SYNE1: variants seen among roughly 807,000 people sequenced by gnomAD.
SYNE1 encodes spectrin repeat containing nuclear envelope protein 1, also known as nesprin-1.
A neutral mutation model predicts 1,111.0 loss-of-function variants in SYNE1; 616 were observed. The ratio of observed to expected loss-of-function variants is 0.55; its 90% CI spans 0.52 to 0.59. SYNE1 has a LOEUF of 0.59. Ranked by LOEUF, SYNE1 falls within the 20% of genes least tolerant of loss-of-function variation. SYNE1 has a pLI of 0.00. For synonymous variants in SYNE1, 3,855 were observed against 3,825.8 expected, an observed-to-expected ratio of 1.01 and a Z score of -0.28; for missense variants, 10,006 against 10,417.0, an observed-to-expected ratio of 0.96 and a Z score of 1.72.
In SYNE1 at chr6:152,419,582, A is replaced by G. The variant is rs2098221021; in HGVS notation, c.5408T>C (p.Leu1803Pro). The change falls in exon 40 of 146, where the codon CTT becomes CCT. Residue 1803 changes from leucine (L) to proline (P), a missense_variant. Physicochemically the swap from Leu to Pro is moderately conservative, Grantham distance 98. Coordinates refer to ENST00000367255, the MANE Select transcript of SYNE1 (RefSeq NM_182961.4). ...AAACCACTTTACCTTATGCCGAGTA[A>G]GGGCTACTTGATGGTCCATTATGCT... ...EISIMDHQVA[L>P]TRHKDHAAEV... 2 of 1,613,682 alleles carry G rather than the reference A, an allele frequency of 1.2e-6. No homozygotes were observed. The highest frequency in any genetic ancestry group is 2.7e-5 in the African/African-American group (2 of 74,896).
At chr6:152,185,992 C>T (rs950464584) in intron 128 of SYNE1, among the ~76,000 whole-genome samples, 5 of 152,134 alleles carry the variant, frequency 3.3e-5, no homozygotes, top group East Asian at 1.9e-4. Flanking sequence ...GAAATAGAAT[C>T]GATGCCATAA....
At chr6:152,485,740 G>A (rs1041889147) in intron 12 of SYNE1, among the ~76,000 whole-genome samples, 1 of 152,070 alleles carries the variant, frequency 6.6e-6, no homozygotes, top group Non-Finnish European at 1.5e-5. Flanking sequence ...TATGTTACAG[G>A]AGAATGGCCC....
chr6:152,575,820 A>G (rs1003487987), intron 3 of SYNE1, among the ~76,000 whole-genome samples: 3 of 152,252 alleles, frequency 2.0e-5, no homozygotes, highest in African/African-American at 7.2e-5. Flanking sequence ...CACATAGCAC[A>G]GTGCCTGGAA....
At chr6:152,170,534 C>T (rs1050348009) in intron 130 of SYNE1, among the ~76,000 whole-genome samples, 15 of 152,316 alleles carry the variant, frequency 9.8e-5, no homozygotes, top group Non-Finnish European at 1.6e-4. Context: ...CTGTGCTCAT[C>T]GCATCAATGC....
chr6:152,496,566 A>T (rs2099000493), intron 11 of SYNE1, among the ~76,000 whole-genome samples: 1 of 152,094 alleles, frequency 6.6e-6, no homozygotes, highest in Non-Finnish European at 1.5e-5. Context: ...GCTCCTTCTA[A>T]CAACCCCACG....
chr6:152,432,730 G>A (rs1198461016), intron 34 of SYNE1, among the ~76,000 whole-genome samples: 1 of 152,100 alleles, frequency 6.6e-6, no homozygotes, highest in Non-Finnish European at 1.5e-5. Flanking sequence ...CTATTTAAAT[G>A]TGCTATTCTT....
chr6:152,125,287 A>T lies in SYNE1; in HGVS notation c.26154-2611T>A, dbSNP rs2052983300. 1.2e-5 allele frequency: 19 copies of T among 1,550,470 alleles called. 1 individual carries two copies. Among genetic ancestry groups the T allele is most frequent in the Middle Eastern group, 1.7e-4 (1 of 5,992 alleles). On this transcript the variant is annotated intron_variant, in intron 145 of 145. Transcript: ENST00000367255. ...ACAGGTATCTCACATGTAGAAGCAA[A>T]GAAGAGAATCCTGAACTTGCATCCT... is the stretch of plus-strand genomic sequence containing the variant.
chr6:152,217,607 G>A (rs1017486920), intron 121 of SYNE1, among the ~76,000 whole-genome samples: 21 of 152,036 alleles, frequency 1.4e-4, no homozygotes, highest in African/African-American at 4.1e-4. Flanking sequence ...TGTGGGAGGC[G>A]GCTGTAGGGT....
At chr6:152,456,148 T>G in intron 22 of SYNE1, 104 bp from the exon 23 acceptor site, 1 of 1,256,118 alleles carries the variant, frequency 8.0e-7, no homozygotes, top group Admixed American at 2.1e-5. Flanking sequence ...TTATATAGCT[T>G]TTAGGCTTCT....
At position 152,332,316 on chromosome 6, in the gene SYNE1, C is replaced by T. The variant is rs769516373; in HGVS notation, c.12795-426G>A. 7.2e-5 allele frequency among the ~76,000 whole-genome samples: 11 copies of T among 152,304 alleles called. No homozygotes were observed. The South Asian group carries it at 1.2e-3, about 17-fold the overall frequency. ...TTAAGTGGATCTTCTGAGCTTAGAA[C>T]AATTGAGAGTAGTTCAATTCATGGT... On this transcript the variant is annotated intron_variant, in intron 77 of 145. Coordinates refer to ENST00000367255, the MANE Select transcript of SYNE1 (RefSeq NM_182961.4).
intron 54 of SYNE1, among the ~76,000 whole-genome samples, chr6:152,386,408 G>A (rs976402007): frequency 5.3e-5 from 8 of 152,010 alleles, no homozygotes; most frequent in Admixed American, 1.3e-4. Context: ...AGATGAAAAC[G>A]AAGATAAACA....
chr6:152,512,041 A>T (rs958791809), intron 6 of SYNE1, among the ~76,000 whole-genome samples: 8 of 152,178 alleles, frequency 5.3e-5, no homozygotes, highest in Non-Finnish European at 1.2e-4. Context: ...CTCAGCCAAG[A>T]TTTCATGAAG....
Position 152,369,021 on chromosome 6 carries a change from CTG to C in SYNE1, c.9756_9757del (p.His3252GlnfsTer25), listed in dbSNP as rs747884307. 2 of 1,614,116 alleles carry C rather than the reference CTG, an allele frequency of 1.2e-6. No individual in the cohort carries two copies. Among genetic ancestry groups the C allele is most frequent in the East Asian group, 2.2e-5 (1 of 44,898 alleles). On this transcript the variant is annotated frameshift_variant, in exon 61 of 146. Coordinates refer to ENST00000367255, the MANE Select transcript of SYNE1 (RefSeq NM_182961.4). LOFTEE classifies it high-confidence loss of function. ...ATACTGAGAAGACAGCTGCGACACT[CTG>C]TGCCTAAAGCTCTTGCTGGCAGCTT...
chr6:152,301,094 G>A (rs966400850), intron 92 of SYNE1, among the ~76,000 whole-genome samples: 7 of 152,072 alleles, frequency 4.6e-5, no homozygotes, highest in East Asian at 3.9e-4. Flanking sequence ...GAAAAATCAC[G>A]AATCATACAA....
In SYNE1 at chr6:152,510,178, A is replaced by T. The variant is rs1347236374; in HGVS notation, c.581+15T>A. ...ATTTAACGGTTTCAAATTTAGACAA[A>T]CTCTTGATACTTACTTGCCAGCTGT... On this transcript the variant is annotated intron_variant, in intron 8 of 145. Transcript: ENST00000367255. The T allele has an allele frequency of 2.9e-5, 46 of 1,613,244 alleles. No individual in the cohort carries two copies. Among genetic ancestry groups the T allele is most frequent in the Non-Finnish European group, 3.8e-5 (45 of 1,179,576 alleles).
intron 58 of SYNE1, chr6:152,376,158 TC>T: frequency 1.9e-6 from 1 of 537,246 alleles, no homozygotes; most frequent in Non-Finnish European, 3.4e-6. Context: ...ACAATGGGGT[TC>T]AGGCTCCTAT....
At chr6:152,254,778 C>T in intron 104 of SYNE1, 102 bp downstream of exon 104, 1 of 1,028,754 alleles carries the variant, frequency 9.7e-7, no homozygotes, top group South Asian at 1.4e-5. Context: ...CTTCATTACG[C>T]ATTTAGAAAA....
intron 11 of SYNE1, among the ~76,000 whole-genome samples, chr6:152,490,634 C>A (rs1309229511): frequency 6.6e-6 from 1 of 151,946 alleles, no homozygotes; most frequent in Non-Finnish European, 1.5e-5. Flanking sequence ...AAAACTGCCC[C>A]ACCCCTATCT....
At chr6:152,182,409 A>G (rs1412521394) in intron 128 of SYNE1, among the ~76,000 whole-genome samples, 2 of 152,132 alleles carry the variant, frequency 1.3e-5, no homozygotes, top group African/African-American at 4.8e-5. Context: ...TATTGATTTT[A>G]TTTTACCCCC....
Sources: gnomAD v4.1 joint callset for allele counts (sites outside exome capture counted in the v4.1 genomes callset) on GRCh38, gnomAD v4.1.1 for gene constraint, MANE v1.5 for transcripts, NCBI Gene and HGNC (gene_info 2026-07-23, HGNC 2026-07-21) for gene names.